Variants in GPC5 observed in about 807,000 individuals in gnomAD.
GPC5 encodes the protein glypican-5.
In GPC5, 47 loss-of-function variants were observed where a neutral mutation model predicts 53.9. The ratio of observed to expected loss-of-function variants is 0.87; its 90% confidence interval spans 0.69 to 1.11. GPC5 has a LOEUF of 1.11. GPC5 is among the 50% of genes most tolerant of loss of function. The pLI is 0.00. For synonymous variants in GPC5, 286 were observed against 263.3 expected, an observed-to-expected ratio of 1.09 and a Z score of -0.84; for missense variants, 748 against 713.1, an observed-to-expected ratio of 1.05 and a Z score of -0.56.
At chr13:92,856,257 T>C (rs939114141) in intron 7 of GPC5, among the ~76,000 whole-genome samples, 2 of 152,084 alleles carry the variant, frequency 1.3e-5, no homozygotes, top group South Asian at 2.1e-4. Flanking sequence ...TAAAAGCACA[T>C]AGTTATCTCA....
At chr13:92,131,431 A>C (rs572189610) in intron 6 of GPC5, among the ~76,000 whole-genome samples, 1 of 152,200 alleles carries the variant, frequency 6.6e-6, no homozygotes, top group East Asian at 1.9e-4. Flanking sequence ...GCCCAAAATT[A>C]GAAACAGGTG....
At chr13:92,181,466 A>G (rs1333509419) in intron 7 of GPC5, among the ~76,000 whole-genome samples, 1 of 152,208 alleles carries the variant, frequency 6.6e-6, no homozygotes, top group Non-Finnish European at 1.5e-5. Flanking sequence ...TACATGAATC[A>G]TTGCTATATA....
chr13:92,776,873 T>C (rs1464097569), intron 7 of GPC5, among the ~76,000 whole-genome samples: 1 of 151,652 alleles, frequency 6.6e-6, no homozygotes, highest in Non-Finnish European at 1.5e-5. Flanking sequence ...AATAATGCTC[T>C]GTGTCCTGCA....
chr13:91,480,257 C>T (rs532397636), intron 2 of GPC5, among the ~76,000 whole-genome samples: 7 of 152,234 alleles, frequency 4.6e-5, no homozygotes, highest in African/African-American at 7.2e-5. Context: ...CAGATAGCTC[C>T]GCTATGGACA....
At chr13:92,677,851 G>C (rs1161687171) in intron 7 of GPC5, among the ~76,000 whole-genome samples, 2 of 152,146 alleles carry the variant, frequency 1.3e-5, no homozygotes, top group African/African-American at 2.4e-5. Context: ...GGAACTGGGT[G>C]TCCCAGCTAA....
At position 92,476,038 on chromosome 13, in the gene GPC5, G is replaced by C. The variant is rs1221943228; in HGVS notation, c.1561+331049G>C. Among the ~76,000 whole-genome samples, 643 of 151,882 alleles carry C rather than the reference G, an allele frequency of 4.2e-3. 8 individuals are homozygous for C. Among genetic ancestry groups the C allele is most frequent in the African/African-American group, 0.014 (596 of 41,384 alleles). On this transcript the variant is annotated intron_variant, in intron 7 of 7. Transcript: ENST00000377067. ...CAATGGCAACAAAAGACAAAATTGA[G>C]AAATGGGATCTAATTAAACTAAAGA...
intron 1 of GPC5, among the ~76,000 whole-genome samples, chr13:91,435,808 A>G (rs1448517716): frequency 6.6e-6 from 1 of 152,182 alleles, no homozygotes; most frequent in Non-Finnish European, 1.5e-5. Flanking sequence ...CTGTGAATCC[A>G]TCTGGTCCTG....
At chr13:92,737,748 C>CTTT (rs200370425) in intron 7 of GPC5, among the ~76,000 whole-genome samples, 1 of 108,164 alleles carries the variant, frequency 9.2e-6, no homozygotes. Context: ...TATTTTCTTT[C>CTTT]TTTTTTTTTT....
chr13:91,910,252 G>T (rs1254648327), intron 6 of GPC5, among the ~76,000 whole-genome samples: 1 of 152,112 alleles, frequency 6.6e-6, no homozygotes, highest in African/African-American at 2.4e-5. Flanking sequence ...ACGTGCCCTG[G>T]CAGGGATGGC....
intron 7 of GPC5, among the ~76,000 whole-genome samples, chr13:92,325,876 C>T (rs970883386): frequency 6.6e-6 from 1 of 151,888 alleles, no homozygotes; most frequent in East Asian, 1.9e-4. Flanking sequence ...TACAAAGGGG[C>T]CTCACTATAC....
intron 7 of GPC5, among the ~76,000 whole-genome samples, chr13:92,369,747 C>G (rs1304537237): frequency 6.6e-6 from 1 of 152,166 alleles, no homozygotes; most frequent in Non-Finnish European, 1.5e-5. Flanking sequence ...ATTAACATTT[C>G]CTTTCCTTAC....
At chr13:91,942,038 ATAAT>A (rs1220726530) in intron 6 of GPC5, among the ~76,000 whole-genome samples, 2 of 152,086 alleles carry the variant, frequency 1.3e-5, no homozygotes, top group Non-Finnish European at 2.9e-5. Flanking sequence ...CATCAACTCT[ATAAT>A]TAATTTTTTT....
intron 7 of GPC5, among the ~76,000 whole-genome samples, chr13:92,654,278 G>A (rs1336052394): frequency 1.3e-5 from 2 of 152,112 alleles, no homozygotes; most frequent in Non-Finnish European, 2.9e-5. Flanking sequence ...TAAAAAAACT[G>A]TTATCTTCCC....
intron 2 of GPC5, among the ~76,000 whole-genome samples, chr13:91,593,088 G>T (rs1357999254): frequency 1.3e-5 from 2 of 152,166 alleles, no homozygotes; most frequent in Non-Finnish European, 2.9e-5. Flanking sequence ...GATGTCCATG[G>T]GGGATGCGAG....
chr13:91,693,445 G>C lies in GPC5; in HGVS notation c.584G>C (p.Arg195Pro), dbSNP rs777139638. 6.2e-7 allele frequency: 1 copy of C among 1,613,978 alleles called. No homozygotes were observed. The highest frequency in any genetic ancestry group is 8.5e-7 in the Non-Finnish European group (1 of 1,180,032). The part of the protein sequence containing the change: ...DSSLEYSECI[R>P]MARRDVSPFG... ...TCCCTGGAATACTCAGAATGCATCC[G>C]GATGGCTCGCCGGGATGTGAGTCCA... The change falls in exon 3 of 8, where the codon CGG becomes CCG. Residue 195 changes from arginine (R) to proline (P), a missense_variant. Arg to Pro is a moderately radical substitution (Grantham distance 103). Coordinates refer to ENST00000377067, the MANE Select transcript of GPC5 (RefSeq NM_004466.6).
intron 7 of GPC5, among the ~76,000 whole-genome samples, chr13:92,282,058 T>C (rs180866047): frequency 7.9e-5 from 12 of 152,292 alleles, no homozygotes; most frequent in Non-Finnish European, 1.6e-4. Flanking sequence ...TTAAATGACC[T>C]GATGGAGCTG....
At chr13:91,432,503 C>G (rs908464189) in intron 1 of GPC5, among the ~76,000 whole-genome samples, 2 of 152,096 alleles carry the variant, frequency 1.3e-5, no homozygotes, top group African/African-American at 4.8e-5. Flanking sequence ...GTTGAAGGAT[C>G]AGTGATACCA....
At chr13:91,419,020 C>T (rs528580910) in intron 1 of GPC5, among the ~76,000 whole-genome samples, 5 of 152,020 alleles carry the variant, frequency 3.3e-5, no homozygotes, top group South Asian at 2.1e-4. Context: ...TTAATTATAT[C>T]GTGTGTTTTG....
intron 7 of GPC5, among the ~76,000 whole-genome samples, chr13:92,842,169 ATG>A (rs1594543380): frequency 6.6e-6 from 1 of 152,148 alleles, no homozygotes; most frequent in African/African-American, 2.4e-5. Flanking sequence ...CCCTCAATGT[ATG>A]TGATAGGTCC....
Sources: gnomAD v4.1 joint callset for allele counts (sites outside exome capture counted in the v4.1 genomes callset) on GRCh38, gnomAD v4.1.1 for gene constraint, MANE v1.5 for transcripts, NCBI Gene and HGNC (gene_info 2026-07-23, HGNC 2026-07-21) for gene names.